Variants in ZDHHC11B observed in about 807,000 individuals in gnomAD.
ZDHHC11B encodes the protein probable palmitoyltransferase ZDHHC11B.
A neutral mutation model predicts 42.3 loss-of-function variants in ZDHHC11B; 17 were observed. The observed-to-expected ratio is 0.40, with a 90% CI of 0.27 to 0.60. The LOEUF is 0.60. Among genes scored for constraint, ZDHHC11B ranks in the 20% least tolerant of loss-of-function variants. The probability of loss-of-function intolerance (pLI) is 0.41; values close to 1 mark genes in which losing one functional copy is unlikely to be tolerated. For synonymous variants in ZDHHC11B, 123 were observed against 193.5 expected (o/e 0.64, Z 3.02); for missense variants, 262 against 463.2 (o/e 0.57, Z 3.99).
chr5:716,521 C>T (rs1741761950), intron 13 of ZDHHC11B, among the ~76,000 whole-genome samples: 1 of 151,758 alleles, frequency 6.6e-6, no homozygotes, highest in Admixed American at 6.6e-5. Flanking sequence ...TTAGTTTAGA[C>T]TTAAAGGCAA....
intron 8 of ZDHHC11B, chr5:747,361 GTCCGTAGGATTT>G (rs1336521496): frequency 7.0e-6 from 1 of 143,226 alleles, no homozygotes; most frequent in Non-Finnish European, 1.5e-5. Flanking sequence ...TCAGCTCTGT[GTCCGTAGGATTT>G]AATCCAGTGA....
At chr5:733,869 C>G (rs768056004) in intron 10 of ZDHHC11B, 30 bp from the exon 11 acceptor site, 1 of 1,584,094 alleles carries the variant, frequency 6.3e-7, no homozygotes, top group Non-Finnish European at 8.6e-7. Flanking sequence ...GAGAGAAACT[C>G]ATCTCAGCTT....
intron 1 of ZDHHC11B, among the ~76,000 whole-genome samples, chr5:779,024 C>G (rs1160155195): frequency 6.6e-6 from 1 of 151,436 alleles, no homozygotes; most frequent in Middle Eastern, 3.4e-3. Flanking sequence ...GCCAAGCCTG[C>G]AGGTGCCTTG....
chr5:764,144 C>G (rs112911047), intron 4 of ZDHHC11B, among the ~76,000 whole-genome samples: 1 of 151,998 alleles, frequency 6.6e-6, no homozygotes, highest in Non-Finnish European at 1.5e-5. Context: ...ATACACACCA[C>G]GCTCACCATT....
At chr5:778,087 C>T (rs1156823482) in intron 1 of ZDHHC11B, among the ~76,000 whole-genome samples, 1 of 151,958 alleles carries the variant, frequency 6.6e-6, no homozygotes, top group East Asian at 1.9e-4. Context: ...GGCTCCCAGA[C>T]TCTGCAAAGG....
chr5:774,790 C>T (rs1736337243), intron 1 of ZDHHC11B, among the ~76,000 whole-genome samples: 2 of 151,516 alleles, frequency 1.3e-5, no homozygotes, highest in South Asian at 2.1e-4. Context: ...GCCCCTTGGG[C>T]CTGGAGCCTG....
At chr5:766,269 C>G (rs1735345092) in intron 4 of ZDHHC11B, among the ~76,000 whole-genome samples, 1 of 149,860 alleles carries the variant, frequency 6.7e-6, no homozygotes, top group African/African-American at 2.5e-5. Flanking sequence ...ACACGGGCTT[C>G]CCCCTCTTTG....
At chr5:725,071 T>C (rs1343454437) in intron 12 of ZDHHC11B, among the ~76,000 whole-genome samples, 2 of 151,136 alleles carry the variant, frequency 1.3e-5, no homozygotes, top group African/African-American at 4.9e-5. Flanking sequence ...TTGTGTGTCA[T>C]AAAGCGGAGC....
At chr5:783,250 C>T (rs1736988045) in intron 1 of ZDHHC11B, among the ~76,000 whole-genome samples, 1 of 152,256 alleles carries the variant, frequency 6.6e-6, no homozygotes, top group Non-Finnish European at 1.5e-5. Flanking sequence ...ACAGGCCCTC[C>T]GAGGATCACG....
chr5:761,177 G>A (rs1271083508), intron 4 of ZDHHC11B, among the ~76,000 whole-genome samples: 1 of 151,916 alleles, frequency 6.6e-6, no homozygotes, highest in African/African-American at 2.4e-5. Flanking sequence ...TCCGATCACA[G>A]CCTGTCTTCT....
intron 1 of ZDHHC11B, among the ~76,000 whole-genome samples, chr5:783,421 C>T (rs1488897644): frequency 6.6e-6 from 1 of 152,250 alleles, no homozygotes; most frequent in African/African-American, 2.4e-5. Flanking sequence ...GCTGGGTCAC[C>T]TCCCAGGGGC....
intron 1 of ZDHHC11B, among the ~76,000 whole-genome samples, chr5:783,807 TA>T (rs1737045383): frequency 2.4e-5 from 1 of 41,986 alleles, no homozygotes; most frequent in Non-Finnish European, 6.1e-5. Context: ...AGCAGCCCCC[TA>T]AACCCCATCA....
At chr5:720,505 A>C (rs1742100490) in intron 12 of ZDHHC11B, among the ~76,000 whole-genome samples, 1 of 151,830 alleles carries the variant, frequency 6.6e-6, no homozygotes, top group Admixed American at 6.6e-5. Flanking sequence ...TATCAGTAGA[A>C]CTACCCTAAA....
intron 9 of ZDHHC11B, among the ~76,000 whole-genome samples, chr5:744,911 A>G (rs1215416775): frequency 2.0e-5 from 3 of 148,064 alleles, no homozygotes; most frequent in Non-Finnish European, 3.0e-5. Context: ...TCAACTTTGG[A>G]AGATGTATAG....
At chr5:776,460 G>A (rs1055086585) in intron 1 of ZDHHC11B, among the ~76,000 whole-genome samples, 1 of 151,888 alleles carries the variant, frequency 6.6e-6, no homozygotes, top group African/African-American at 2.4e-5. Flanking sequence ...AGGGAGACCG[G>A]GTAGGCCCCT....
chr5:776,882 G>T (rs1234176208), intron 1 of ZDHHC11B, among the ~76,000 whole-genome samples: 1 of 151,870 alleles, frequency 6.6e-6, no homozygotes, highest in African/African-American at 2.4e-5. Flanking sequence ...CACTATCATC[G>T]CACGGCCCTC....
At chr5:771,738 A>T (rs1276237408) in intron 1 of ZDHHC11B, among the ~76,000 whole-genome samples, 1 of 151,468 alleles carries the variant, frequency 6.6e-6, no homozygotes, top group East Asian at 1.9e-4. Flanking sequence ...AGCACCCAGA[A>T]CAGTGGTGGG....
intron 12 of ZDHHC11B, among the ~76,000 whole-genome samples, chr5:728,256 C>T (rs1161570508): frequency 2.0e-5 from 3 of 151,918 alleles, no homozygotes; most frequent in Non-Finnish European, 2.9e-5. Flanking sequence ...ATATCTGGTG[C>T]TGAAAAGAGT....
chr5:769,982 TCCACA>T (rs1735861327), intron 1 of ZDHHC11B, among the ~76,000 whole-genome samples: 1 of 151,840 alleles, frequency 6.6e-6, no homozygotes. Context: ...GAGACGGCCG[TCCACA>T]CCACTCGGTG....
Sources: allele counts gnomAD v4.1 joint callset (sites outside exome capture counted in the v4.1 genomes callset), GRCh38; gene constraint gnomAD v4.1.1; transcripts MANE v1.5; gene names NCBI Gene and HGNC (gene_info 2026-07-23, HGNC 2026-07-21).